TMEM132D: variants seen among roughly 807,000 people sequenced by gnomAD.
TMEM132D encodes transmembrane protein 132D, also known as mature OL transmembrane protein.
In TMEM132D, 21 loss-of-function variants were observed where a neutral mutation model predicts 62.3. The observed-to-expected ratio is 0.34, with a 90% CI of 0.24 to 0.49. The LOEUF (loss-of-function observed/expected upper bound fraction) is 0.49, where lower values mean the gene tolerates loss of function less well. TMEM132D is among the 20% of genes least tolerant of loss of function. TMEM132D has a pLI of 0.99. For missense variants in TMEM132D, 1,346 were observed against 1,402.8 expected (o/e 0.96, Z 0.65); for synonymous variants, 621 against 575.6 (o/e 1.08, Z -1.13).
chr12:129,526,964 G>A (rs1250204654), intron 3 of TMEM132D, among the ~76,000 whole-genome samples: 1 of 152,150 alleles, frequency 6.6e-6, no homozygotes, highest in Non-Finnish European at 1.5e-5. Context: ...TTTTATGTGA[G>A]AAAGAAAAAA....
chr12:129,881,937 C>T (rs1031276094), intron 1 of TMEM132D, among the ~76,000 whole-genome samples: 13 of 151,836 alleles, frequency 8.6e-5, no homozygotes, highest in Non-Finnish European at 1.8e-4. Flanking sequence ...AGGAATGAAA[C>T]AGGGAATTAT....
intron 2 of TMEM132D, among the ~76,000 whole-genome samples, chr12:129,568,647 T>C (rs2137117905): frequency 6.6e-6 from 1 of 152,376 alleles, no homozygotes; most frequent in East Asian, 1.9e-4. Context: ...TTTAAAGTCC[T>C]TGAAACATAT....
At chr12:129,075,411 G>A (rs67552803) in intron 8 of TMEM132D, among the ~76,000 whole-genome samples, 56,053 of 151,218 alleles carry the variant, frequency 0.37, 10,680 homozygotes, top group Middle Eastern at 0.47. Context: ...TAAATTGCAC[G>A]ACAAAGGAAA....
chr12:129,414,077 T>C (rs1262627038), intron 3 of TMEM132D, among the ~76,000 whole-genome samples: 2 of 152,218 alleles, frequency 1.3e-5, no homozygotes, highest in Non-Finnish European at 2.9e-5. Flanking sequence ...CTTGCTAACT[T>C]CAACTCAGTT....
At chr12:129,703,055 C>T (rs1292859276) in intron 1 of TMEM132D, among the ~76,000 whole-genome samples, 1 of 152,226 alleles carries the variant, frequency 6.6e-6, no homozygotes, top group Non-Finnish European at 1.5e-5. Flanking sequence ...TTGTTAAAAA[C>T]ACATCTTGGC....
chr12:129,284,210 C>T (rs889414592), intron 4 of TMEM132D, among the ~76,000 whole-genome samples: 5 of 152,222 alleles, frequency 3.3e-5, no homozygotes, highest in Non-Finnish European at 7.3e-5. Context: ...CTTGGCTCAG[C>T]TCACAGCTGG....
At chr12:129,859,435 TA>T (rs1217631195) in intron 1 of TMEM132D, among the ~76,000 whole-genome samples, 1 of 152,250 alleles carries the variant, frequency 6.6e-6, no homozygotes, top group Admixed American at 6.5e-5. Context: ...GCCAATATTT[TA>T]AAATTACAAC....
At chr12:129,537,367 G>A (rs1876427389) in intron 2 of TMEM132D, among the ~76,000 whole-genome samples, 1 of 151,968 alleles carries the variant, frequency 6.6e-6, no homozygotes, top group South Asian at 2.1e-4. Context: ...ATTCCCCTTA[G>A]GATGTGCTCA....
chr12:129,843,722 T>C (rs1051981371), intron 1 of TMEM132D, among the ~76,000 whole-genome samples: 1 of 152,132 alleles, frequency 6.6e-6, no homozygotes, highest in Non-Finnish European at 1.5e-5. Flanking sequence ...AAACTACTAC[T>C]GACACACTAA....
At chr12:129,405,992 A>C (rs1252880491) in intron 3 of TMEM132D, among the ~76,000 whole-genome samples, 1 of 152,242 alleles carries the variant, frequency 6.6e-6, no homozygotes, top group African/African-American at 2.4e-5. Context: ...AACATCTATA[A>C]AACCCAATTC....
intron 5 of TMEM132D, among the ~76,000 whole-genome samples, chr12:129,179,335 GT>G (rs1036204166): frequency 1.3e-5 from 2 of 151,456 alleles, no homozygotes; most frequent in African/African-American, 4.9e-5. Flanking sequence ...TTTGTTTTTT[GT>G]TTTTTGTTTT....
At chr12:129,545,656 C>G (rs550626555) in intron 2 of TMEM132D, among the ~76,000 whole-genome samples, 1 of 152,306 alleles carries the variant, frequency 6.6e-6, no homozygotes, top group East Asian at 1.9e-4. Context: ...ACACGCTACT[C>G]TCTGTTCTAT....
intron 2 of TMEM132D, among the ~76,000 whole-genome samples, chr12:129,600,061 G>C (rs1207157320): frequency 1.3e-5 from 2 of 152,204 alleles, no homozygotes; most frequent in African/African-American, 4.8e-5. Flanking sequence ...GATGCCATTT[G>C]ATAGCATTTT....
intron 1 of TMEM132D, among the ~76,000 whole-genome samples, chr12:129,748,717 A>C (rs935838444): frequency 4.6e-5 from 7 of 152,220 alleles, no homozygotes; most frequent in Non-Finnish European, 8.8e-5. Flanking sequence ...ACACGTGCTA[A>C]GCCAGTGGGC....
chr12:129,593,720 A>G (rs1878258381), intron 2 of TMEM132D, among the ~76,000 whole-genome samples: 1 of 152,192 alleles, frequency 6.6e-6, no homozygotes, highest in Non-Finnish European at 1.5e-5. Context: ...AGACTAAAAT[A>G]AATTGGCATT....
intron 1 of TMEM132D, among the ~76,000 whole-genome samples, chr12:129,773,258 C>T (rs757408321): frequency 2.6e-5 from 4 of 152,174 alleles, no homozygotes; most frequent in Admixed American, 6.5e-5. Flanking sequence ...GGTGCGAGGG[C>T]GGCGGCAGTG....
At chr12:129,595,760 G>A (rs1008304222) in intron 2 of TMEM132D, among the ~76,000 whole-genome samples, 19 of 152,228 alleles carry the variant, frequency 1.2e-4, no homozygotes, top group Admixed American at 9.8e-4. Flanking sequence ...GGAGCTGACC[G>A]ACTGCAGATA....
intron 2 of TMEM132D, among the ~76,000 whole-genome samples, chr12:129,675,366 C>T (rs1880601625): frequency 6.6e-6 from 1 of 150,790 alleles, no homozygotes; most frequent in African/African-American, 2.4e-5. Flanking sequence ...CACACCGGGG[C>T]CTGTCGGGGG....
intron 1 of TMEM132D, among the ~76,000 whole-genome samples, chr12:129,751,766 C>T (rs186777323): frequency 1.3e-5 from 2 of 152,140 alleles, no homozygotes; most frequent in Admixed American, 1.3e-4. Flanking sequence ...TTTGCAACTT[C>T]GCTACAAACA....
Sources: gnomAD v4.1 joint callset for allele counts (sites outside exome capture counted in the v4.1 genomes callset) on GRCh38, gnomAD v4.1.1 for gene constraint, MANE v1.5 for transcripts, NCBI Gene and HGNC (gene_info 2026-07-23, HGNC 2026-07-21) for gene names.